MARCHF5: variants seen among roughly 807,000 people sequenced by gnomAD.
MARCHF5 encodes the protein membrane associated ring-CH-type finger 5, also known as E3 ubiquitin-protein ligase MARCHF5.
A neutral mutation model predicts 36.5 loss-of-function variants in MARCHF5; 5 were observed. That is an observed-to-expected ratio of 0.14 (90% CI 0.07 to 0.29). The LOEUF (loss-of-function observed/expected upper bound fraction) is 0.29. Among genes scored for constraint, MARCHF5 ranks in the 10% least tolerant of loss-of-function variants. The probability of loss-of-function intolerance (pLI) is 1.00; values close to 1 mark genes in which losing one functional copy is unlikely to be tolerated. For synonymous variants in MARCHF5, 103 were observed against 109.9 expected, an observed-to-expected ratio of 0.94 and a Z score of 0.39; for missense variants, 179 against 336.3, an observed-to-expected ratio of 0.53 and a Z score of 3.66.
intron 1 of MARCHF5, among the ~76,000 whole-genome samples, chr10:92,298,633 C>T (rs948684596): frequency 2.0e-5 from 3 of 152,154 alleles, no homozygotes; most frequent in African/African-American, 7.2e-5. Flanking sequence ...GTGCAGTGGC[C>T]CATCTCGGCT....
intron 2 of MARCHF5, among the ~76,000 whole-genome samples, chr10:92,322,958 G>T (rs1332930570): frequency 6.6e-6 from 1 of 151,952 alleles, no homozygotes; most frequent in African/African-American, 2.4e-5. Flanking sequence ...GGATGGTCTT[G>T]ATCTCTTGAC....
At chr10:92,331,605 T>C (rs1172977845) in intron 2 of MARCHF5, among the ~76,000 whole-genome samples, 2 of 151,946 alleles carry the variant, frequency 1.3e-5, no homozygotes, top group Non-Finnish European at 2.9e-5. Flanking sequence ...ATAATTTACA[T>C]TTATTTTAAT....
At chr10:92,312,802 G>A (rs758855789) in intron 2 of MARCHF5, among the ~76,000 whole-genome samples, 4 of 152,182 alleles carry the variant, frequency 2.6e-5, no homozygotes, top group East Asian at 1.9e-4. Flanking sequence ...TATGGCACTC[G>A]AAAGCAAAGT....
chr10:92,347,070 G>A (rs981097080), intron 3 of MARCHF5, among the ~76,000 whole-genome samples: 22 of 152,258 alleles, frequency 1.4e-4, no homozygotes, highest in African/African-American at 4.3e-4. Flanking sequence ...TTAGCCAGAC[G>A]TGGTGGCACT....
chr10:92,327,356 A>G (rs1404475106), intron 2 of MARCHF5, among the ~76,000 whole-genome samples: 2 of 151,946 alleles, frequency 1.3e-5, no homozygotes, highest in Non-Finnish European at 2.9e-5. Flanking sequence ...GCTTTTTAAA[A>G]AAAAAAACTG....
At chr10:92,307,376 A>G (rs1187551979) in intron 1 of MARCHF5, among the ~76,000 whole-genome samples, 2 of 152,078 alleles carry the variant, frequency 1.3e-5, no homozygotes, top group Non-Finnish European at 2.9e-5. Context: ...TATTCTTTCC[A>G]TACTAGGTAG....
At chr10:92,299,782 GTCTT>G (rs1776054918) in intron 1 of MARCHF5, among the ~76,000 whole-genome samples, 2 of 152,222 alleles carry the variant, frequency 1.3e-5, no homozygotes, top group African/African-American at 4.8e-5. Flanking sequence ...GTATCATGAT[GTCTT>G]TCTTTTCATT....
chr10:92,301,614 T>G (rs1440844845), intron 1 of MARCHF5, among the ~76,000 whole-genome samples: 1 of 152,194 alleles, frequency 6.6e-6, no homozygotes, highest in Non-Finnish European at 1.5e-5. Context: ...AATAAATGAT[T>G]GCTCAGTATT....
intron 1 of MARCHF5, among the ~76,000 whole-genome samples, chr10:92,297,560 C>T (rs1217497389): frequency 6.8e-6 from 1 of 147,708 alleles, no homozygotes; most frequent in African/African-American, 2.5e-5. Flanking sequence ...GTGGTCTCGG[C>T]TCACTGTTGC....
chr10:92,306,160 ACTT>A (rs1348100961), intron 1 of MARCHF5, among the ~76,000 whole-genome samples: 5 of 152,130 alleles, frequency 3.3e-5, no homozygotes, highest in Non-Finnish European at 5.9e-5. Context: ...TTCCACCTTC[ACTT>A]CTTCTGGATT....
Position 92,353,704 on chromosome 10 carries a change from A to G in MARCHF5, c.*2497A>G, listed in dbSNP as rs955517144. The G allele has an allele frequency of 6.6e-6, 1 of 152,236 alleles. No homozygotes were observed. Among genetic ancestry groups the G allele is most frequent in the Non-Finnish European group, 1.5e-5 (1 of 68,000 alleles). 9.4% of individuals were successfully genotyped at this position (152,236 alleles called of 1,614,324 possible). ...TACTGTGTTATTTCTGGAAACTTTA[A>G]TGTTTTAAACCTCTTTTATAAAATT... On this transcript the variant is annotated 3_prime_UTR_variant, in exon 6 of 6. Coordinates refer to ENST00000358935, the MANE Select transcript of MARCHF5 (RefSeq NM_017824.5).
intron 2 of MARCHF5, among the ~76,000 whole-genome samples, chr10:92,320,198 T>G (rs1843274089): frequency 1.4e-5 from 2 of 146,008 alleles, no homozygotes; most frequent in Non-Finnish European, 3.0e-5. Context: ...GGACTACAGG[T>G]GCATGCCACC....
chr10:92,300,812 C>T (rs1252260626), intron 1 of MARCHF5, among the ~76,000 whole-genome samples: 2 of 151,742 alleles, frequency 1.3e-5, no homozygotes, highest in Admixed American at 1.3e-4. Flanking sequence ...TTATAATGCT[C>T]TTCTGACCAT....
chr10:92,324,308 T>C (rs1289668521), intron 2 of MARCHF5, among the ~76,000 whole-genome samples: 1 of 152,194 alleles, frequency 6.6e-6, no homozygotes, highest in African/African-American at 2.4e-5. Context: ...CTTTTCTCCT[T>C]GGTTGTCTTC....
At position 92,311,289 on chromosome 10, in the gene MARCHF5, G is replaced by A; in HGVS notation, c.190G>A (p.Ala64Thr). 1.2e-6 allele frequency: 2 copies of A among 1,610,692 alleles called. No individual in the cohort carries two copies. Among genetic ancestry groups the A allele is most frequent in the Middle Eastern group, 1.7e-4 (1 of 6,052 alleles). Residue 64 changes from alanine to threonine, a missense_variant, in exon 2 of 6, where the codon GCA (alanine) becomes ACA (threonine). By Grantham distance (58) the Ala-to-Thr change is moderately conservative. Around this residue, in one of 3 missense-constraint regions of MARCHF5, gnomAD observed 66 missense variants for 180.5 expected, o/e 0.37. Transcript: ENST00000358935. ...KQRGNSTARV[A>T]CPQCNAEYLI... ...AAGAGGAAACAGTACAGCCAGAGTGGCATGTCCTCAGTGCAATGCTGAATA... is the reference window on the plus strand; with the variant it reads ...AAGAGGAAACAGTACAGCCAGAGTGACATGTCCTCAGTGCAATGCTGAATA...
chr10:92,305,983 C>T (rs1590648020), intron 1 of MARCHF5, among the ~76,000 whole-genome samples: 1 of 152,180 alleles, frequency 6.6e-6, no homozygotes, highest in South Asian at 2.1e-4. Context: ...CTGAGGCCAT[C>T]TCTTAGTACC....
At chr10:92,323,823 G>C (rs760538864) in intron 2 of MARCHF5, among the ~76,000 whole-genome samples, 5 of 152,184 alleles carry the variant, frequency 3.3e-5, no homozygotes, top group Non-Finnish European at 5.9e-5. Flanking sequence ...CATCTTGGTT[G>C]CTTTCAAGTT....
chr10:92,311,506 T>C (rs1843144462), intron 2 of MARCHF5, among the ~76,000 whole-genome samples, 169 bp downstream of exon 2: 1 of 152,320 alleles, frequency 6.6e-6, no homozygotes, highest in South Asian at 2.1e-4. Context: ...GCTAACAGTT[T>C]ACAGTATCCT....
Position 92,351,681 on chromosome 10 carries a change from AT to A in MARCHF5, c.*476del, listed in dbSNP as rs1843715637. The A allele has an allele frequency of 6.5e-6, 1 of 152,678 alleles. No homozygotes were observed. Among genetic ancestry groups the A allele is most frequent in the African/African-American group, 2.4e-5 (1 of 41,442 alleles). The allele number at this position is 152,678 out of a possible 1,614,324, so 9.5% of individuals were successfully genotyped here. On this transcript the variant is annotated 3_prime_UTR_variant, in exon 6 of 6. Coordinates refer to ENST00000358935, the MANE Select transcript of MARCHF5 (RefSeq NM_017824.5). ...GATATGTTAATATGAGGAAATGTAA[AT>A]TAAATTAGTTATAAATAAATAACCA...
Sources: allele counts gnomAD v4.1 joint callset (sites outside exome capture counted in the v4.1 genomes callset), GRCh38; gene constraint gnomAD v4.1.1; regional missense constraint gnomAD v4.1.1; transcripts MANE v1.5; gene names NCBI Gene and HGNC (gene_info 2026-07-23, HGNC 2026-07-21).